ZNF729: variants seen among roughly 807,000 people sequenced by gnomAD.
ZNF729 encodes zinc finger protein 729.
Under a neutral mutation model 12.2 loss-of-function variants are expected in ZNF729, and 15 were observed. The ratio of observed to expected loss-of-function variants is 1.23; its 90% CI spans 0.82 to 1.89. The LOEUF (loss-of-function observed/expected upper bound fraction) is 1.89, where lower values mean the gene tolerates loss of function less well. Ranked by LOEUF, ZNF729 falls within the 40% of genes most tolerant of loss-of-function variation. The probability of loss-of-function intolerance (pLI) is 0.00; values close to 1 mark genes in which losing one functional copy is unlikely to be tolerated. For synonymous variants in ZNF729, 492 were observed against 476.3 expected, an observed-to-expected ratio of 1.03 and a Z score of -0.43; for missense variants, 1,540 against 1,456.7, an observed-to-expected ratio of 1.06 and a Z score of -0.93.
At chr19:22,305,569 C>T (rs1269490138) in intron 3 of ZNF729, among the ~76,000 whole-genome samples, 2 of 151,932 alleles carry the variant, frequency 1.3e-5, no homozygotes, top group Non-Finnish European at 2.9e-5. Context: ...ACCCATATTA[C>T]TATTATATAA....
intron 1 of ZNF729, 61 bp downstream of exon 1, chr19:22,286,616 G>A (rs563003955): frequency 6.2e-7 from 1 of 1,609,088 alleles, no homozygotes; most frequent in East Asian, 2.2e-5. Context: ...CCGGTGGGAA[G>A]TGGCTGTGGC....
At chr19:22,289,287 G>T (rs1312822664) in intron 1 of ZNF729, among the ~76,000 whole-genome samples, 1 of 148,956 alleles carries the variant, frequency 6.7e-6, no homozygotes, top group Non-Finnish European at 1.5e-5. Context: ...GTGCAGTGGC[G>T]CAATCTCTGC....
At chr19:22,296,074 G>T (rs764667989) in intron 1 of ZNF729, among the ~76,000 whole-genome samples, 2 of 151,900 alleles carry the variant, frequency 1.3e-5, no homozygotes, top group African/African-American at 4.8e-5. Flanking sequence ...CAGGAATATT[G>T]GCCTGAAGTT....
chr19:22,316,501 T>A lies in ZNF729; in HGVS notation c.3084T>A (p.Ala1028=), dbSNP rs775063318. The A allele has an allele frequency of 1.2e-6, 2 of 1,613,636 alleles. No individual in the cohort carries two copies. Residue 1028 remains alanine (A), a synonymous_variant, in exon 4 of 4, where the codon GCT becomes GCA. Transcript: ENST00000601693. ...KLYKCEECVK[A]FNNFSALMKH... ...ACAAATGTGAAGAATGTGTCAAAGCTTTTAACAATTTCTCAGCCCTTATGA... is the reference window on the plus strand; with the variant it reads ...ACAAATGTGAAGAATGTGTCAAAGCATTTAACAATTTCTCAGCCCTTATGA...
chr19:22,295,328 T>G (rs1968214700), intron 1 of ZNF729, among the ~76,000 whole-genome samples: 1 of 151,282 alleles, frequency 6.6e-6, no homozygotes, highest in Admixed American at 6.6e-5. Context: ...CTGATTGCTC[T>G]GGCCAGGACT....
chr19:22,307,513 G>C (rs947905981), intron 3 of ZNF729, among the ~76,000 whole-genome samples: 10 of 151,398 alleles, frequency 6.6e-5, no homozygotes, highest in African/African-American at 1.7e-4. Flanking sequence ...GGAGGCCAAG[G>C]TGGGTGGATC....
intron 3 of ZNF729, among the ~76,000 whole-genome samples, chr19:22,310,172 C>A (rs10403604): frequency 0.041 from 6,165 of 152,150 alleles, 161 homozygotes; most frequent in African/African-American, 0.069. Context: ...GACAGTTTTA[C>A]TTCCTCTTTA....
Position 22,286,449 on chromosome 19 carries a change from C to A in ZNF729, c.-77C>A. 6.3e-7 allele frequency: 1 copy of A among 1,579,078 alleles called. No homozygotes were observed. Among genetic ancestry groups the A allele is most frequent in the East Asian group, 2.3e-5 (1 of 44,106 alleles). On this transcript the variant is annotated 5_prime_UTR_variant, in exon 1 of 4. Coordinates refer to ENST00000601693, the MANE Select transcript of ZNF729 (RefSeq NM_001242680.2). ...TGTTTCTGGTTGCAGCCGCAGTTCC[C>A]GGTCTCGCCTTCACTGCTGTGTGTC...
rs1491381085 is a variant in ZNF729 at position 22,307,342 on chromosome 19, T to TA, written c.253+2560dup. 5.3e-5 allele frequency among the ~76,000 whole-genome samples: 6 copies of TA among 112,216 alleles called. 1 individual carries two copies. Among genetic ancestry groups the TA allele is most frequent in the African/African-American group, 2.0e-4 (6 of 29,874 alleles). 73.6% of individuals were successfully genotyped at this position (112,216 alleles called of 152,430 possible). ...TTTTTTTTTTTTTTTTTTTTTTTTT[T>TA]AGCTGTGCTAGTGGTGATGAACACC... On this transcript the variant is annotated intron_variant, in intron 3 of 3. Coordinates refer to ENST00000601693, the MANE Select transcript of ZNF729 (RefSeq NM_001242680.2).
chr19:22,287,207 C>G (rs1968089927), intron 1 of ZNF729, among the ~76,000 whole-genome samples: 1 of 151,030 alleles, frequency 6.6e-6, no homozygotes, highest in Non-Finnish European at 1.5e-5. Context: ...TTGGTTAAGC[C>G]TGAGTTTTGT....
intron 1 of ZNF729, among the ~76,000 whole-genome samples, chr19:22,302,990 G>A (rs2145049892): frequency 6.6e-6 from 1 of 152,244 alleles, no homozygotes; most frequent in East Asian, 1.9e-4. Context: ...GGCCAGGCTG[G>A]TCTTGAGCTC....
chr19:22,304,874 T>A, intron 3 of ZNF729, 91 bp downstream of exon 3: 3 of 1,334,460 alleles, frequency 2.2e-6, no homozygotes, highest in Non-Finnish European at 3.1e-6. Flanking sequence ...TGAGAAGCTG[T>A]GCTCCAAAGG....
intron 2 of ZNF729, 30 bp downstream of exon 2, chr19:22,303,914 A>C (rs768666152): frequency 6.5e-7 from 1 of 1,534,576 alleles, no homozygotes; most frequent in African/African-American, 1.4e-5. Context: ...AGCAATTCCT[A>C]TTATATTCTA....
intron 3 of ZNF729, among the ~76,000 whole-genome samples, chr19:22,306,777 A>C (rs893680215): frequency 3.3e-5 from 5 of 151,548 alleles, no homozygotes; most frequent in Non-Finnish European, 4.4e-5. Flanking sequence ...AGATTTATGC[A>C]GATTTACATT....
At position 22,304,709 on chromosome 19, in the gene ZNF729, A is replaced by G; in HGVS notation, c.179A>G (p.Asp60Gly). ...ACAGGTATGGCTGTCTTTAAGCCAG[A>G]CTTGATAACTTGTCTGAAGCAAGGG... is the stretch of plus-strand genomic sequence containing the variant. ...VFLGMAVFKP[D>G]LITCLKQGKE... Residue 60 changes from aspartate to glycine, a missense_variant, in exon 3 of 4, where the codon GAC becomes GGC. Coordinates refer to ENST00000601693, the MANE Select transcript of ZNF729 (RefSeq NM_001242680.2). The G allele has an allele frequency of 1.2e-6, 2 of 1,613,090 alleles. No individual in the cohort carries two copies. The highest frequency in any genetic ancestry group is 1.7e-6 in the Non-Finnish European group (2 of 1,179,584).
chr19:22,293,129 G>A (rs2145041725), intron 1 of ZNF729, among the ~76,000 whole-genome samples: 1 of 152,098 alleles, frequency 6.6e-6, no homozygotes. Flanking sequence ...TTTTTCATAT[G>A]CTTGTTAGCC....
intron 1 of ZNF729, chr19:22,300,007 A>G (rs1968284360): frequency 6.6e-6 from 1 of 152,314 alleles, no homozygotes; most frequent in Admixed American, 6.5e-5. Flanking sequence ...GGCAAGCAGG[A>G]GAGATGTAGC....
At chr19:22,293,417 CT>C (rs1968181398) in intron 1 of ZNF729, among the ~76,000 whole-genome samples, 1 of 151,570 alleles carries the variant, frequency 6.6e-6, no homozygotes, top group African/African-American at 2.4e-5. Context: ...AACTCCTGAC[CT>C]CAAGTGCTCT....
At chr19:22,304,487 A>G (rs1311966716) in intron 2 of ZNF729, among the ~76,000 whole-genome samples, 1 of 152,208 alleles carries the variant, frequency 6.6e-6, no homozygotes, top group African/African-American at 2.4e-5. Context: ...ATTGCCACCA[A>G]CAATTTTTGA....
Sources: allele counts gnomAD v4.1 joint callset (sites outside exome capture counted in the v4.1 genomes callset), GRCh38; gene constraint gnomAD v4.1.1; transcripts MANE v1.5; gene names NCBI Gene and HGNC (gene_info 2026-07-23, HGNC 2026-07-21).